Variants in ARL9 observed in about 807,000 individuals in gnomAD.
ARL9 encodes ARF like GTPase 9, also known as ADP-ribosylation factor-like protein 9.
Under a neutral mutation model 27.0 loss-of-function variants are expected in ARL9, and 14 were observed. The observed-to-expected ratio is 0.52, with a 90% confidence interval of 0.34 to 0.81. The LOEUF (loss-of-function observed/expected upper bound fraction) is 0.81. Ranked by LOEUF, ARL9 falls within the 30% of genes least tolerant of loss-of-function variation. ARL9 has a pLI of 0.01. For missense variants in ARL9, 294 were observed against 290.0 expected (o/e 1.01, Z -0.10); for synonymous variants, 106 against 108.7 (o/e 0.98, Z 0.15).
chr4:56,512,988 A>T (rs988408419), intron 2 of ARL9, among the ~76,000 whole-genome samples: 3 of 152,368 alleles, frequency 2.0e-5, no homozygotes, highest in South Asian at 2.1e-4. Flanking sequence ...TCAACAATGC[A>T]TACCCAATGT....
intron 2 of ARL9, among the ~76,000 whole-genome samples, chr4:56,518,354 G>A (rs1721822680): frequency 1.3e-5 from 2 of 152,108 alleles, no homozygotes; most frequent in African/African-American, 4.8e-5. Flanking sequence ...CATTTTCTGA[G>A]CTATAACTGA....
chr4:56,517,017 C>A (rs1305007480), intron 2 of ARL9, among the ~76,000 whole-genome samples: 1 of 152,112 alleles, frequency 6.6e-6, no homozygotes, highest in Admixed American at 6.6e-5. Context: ...TGTATTGGTA[C>A]CAACTTCTTT....
intron 2 of ARL9, among the ~76,000 whole-genome samples, chr4:56,516,074 G>C (rs77506955): frequency 1.7e-4 from 26 of 152,250 alleles, no homozygotes; most frequent in African/African-American, 6.3e-4. Context: ...ACTAAAATGC[G>C]TGGTGTTGGC....
intron 1 of ARL9, chr4:56,506,521 C>A: frequency 1.4e-6 from 1 of 696,430 alleles, no homozygotes; most frequent in Non-Finnish European, 1.8e-6. Context: ...CGAACCCTCC[C>A]CACACGCAGG....
intron 3 of ARL9, among the ~76,000 whole-genome samples, chr4:56,521,770 T>G (rs986799804): frequency 6.6e-6 from 1 of 152,200 alleles, no homozygotes; most frequent in African/African-American, 2.4e-5. Context: ...ATCTGTAAAT[T>G]GCCTATTAAT....
chr4:56,507,353 C>T (rs150819570), intron 1 of ARL9, among the ~76,000 whole-genome samples: 11,410 of 151,752 alleles, frequency 0.075, 495 homozygotes, highest in Admixed American at 0.12. Flanking sequence ...CTGGCTCTGT[C>T]GCCCAGGCTT....
At chr4:56,506,754 T>TAA in intron 1 of ARL9, 2 of 836,586 alleles carry the variant, frequency 2.4e-6, no homozygotes, top group Non-Finnish European at 2.9e-6. Flanking sequence ...AGCTGCGCTC[T>TAA]GGTTCTAAAC....
intron 2 of ARL9, among the ~76,000 whole-genome samples, chr4:56,516,584 CAAAAAAA>C (rs10718013): frequency 6.0e-4 from 72 of 120,874 alleles, no homozygotes; most frequent in Middle Eastern, 4.6e-3. Context: ...TCAAATTAGG[CAAAAAAA>C]AAAAAAAAAA....
intron 1 of ARL9, among the ~76,000 whole-genome samples, chr4:56,509,495 T>C (rs1721568843): frequency 1.3e-5 from 2 of 151,870 alleles, no homozygotes; most frequent in African/African-American, 4.8e-5. Context: ...CCACGATGCC[T>C]GGACTAGAAT....
upstream of ARL9, chr4:56,505,661 C>G: frequency 1.2e-6 from 1 of 845,110 alleles, no homozygotes; most frequent in Non-Finnish European, 1.8e-6. Context: ...GCGGGTTCAG[C>G]GAATCGGCTG....
chr4:56,523,435 G>A (rs923597415), intron 3 of ARL9, among the ~76,000 whole-genome samples: 2 of 152,128 alleles, frequency 1.3e-5, no homozygotes, highest in South Asian at 2.1e-4. Flanking sequence ...TGACTGCACC[G>A]TTTAGAAAAT....
chr4:56,520,421 T>C (rs886491065), intron 3 of ARL9, among the ~76,000 whole-genome samples: 2 of 152,180 alleles, frequency 1.3e-5, no homozygotes, highest in African/African-American at 2.4e-5. Context: ...GCAAATACTA[T>C]ATGATTCCAT....
At chr4:56,519,951 G>A (rs895883576) in intron 3 of ARL9, among the ~76,000 whole-genome samples, 7 of 151,368 alleles carry the variant, frequency 4.6e-5, no homozygotes, top group Admixed American at 1.3e-4. Flanking sequence ...CAAGTGAGTC[G>A]CATGCCTCAG....
chr4:56,522,463 C>G (rs1291618803), intron 3 of ARL9, among the ~76,000 whole-genome samples: 2 of 151,136 alleles, frequency 1.3e-5, no homozygotes, highest in Non-Finnish European at 2.9e-5. Context: ...AAAAAAGACA[C>G]AATATTAGGT....
intron 1 of ARL9, among the ~76,000 whole-genome samples, chr4:56,508,882 A>G (rs553854742): frequency 6.6e-6 from 1 of 152,190 alleles, no homozygotes; most frequent in Non-Finnish European, 1.5e-5. Context: ...CAACATTTAG[A>G]GTTCAAGCAG....
Position 56,505,850 on chromosome 4 carries a change from C to A in ARL9, c.-13C>A. On this transcript the variant is annotated 5_prime_UTR_variant, in exon 1 of 4. Transcript: ENST00000640821. ...GGCACGCGGCGGGAGGGAAGGAAAC[C>A]GCGGCGCTGGGGATGGAGAGGGGGA... 1.6e-6 allele frequency: 2 copies of A among 1,267,958 alleles called. No individual in the cohort carries two copies. The highest frequency in any genetic ancestry group is 2.0e-6 in the Non-Finnish European group (2 of 1,008,756). The allele number at this position is 1,267,958 out of a possible 1,614,324, so 78.5% of individuals were successfully genotyped here.
chr4:56,514,325 G>A (rs1166958772), intron 2 of ARL9, among the ~76,000 whole-genome samples: 5 of 152,180 alleles, frequency 3.3e-5, no homozygotes, highest in Admixed American at 6.6e-5. Context: ...ACCAAAGAGG[G>A]TAGAGGGGGA....
intron 3 of ARL9, among the ~76,000 whole-genome samples, chr4:56,521,007 CGA>C (rs1174971678): frequency 6.6e-6 from 1 of 151,832 alleles, no homozygotes. Context: ...GTCAGGAGTT[CGA>C]GACCAGCCTG....
intron 1 of ARL9, among the ~76,000 whole-genome samples, chr4:56,507,892 C>T (rs1357640748): frequency 6.7e-6 from 1 of 150,094 alleles, no homozygotes; most frequent in African/African-American, 2.4e-5. Context: ...AGGAAAATCG[C>T]GTGAACCTGG....
Sources: gnomAD v4.1 joint callset for allele counts (sites outside exome capture counted in the v4.1 genomes callset) on GRCh38, gnomAD v4.1.1 for gene constraint, MANE v1.5 for transcripts, NCBI Gene and HGNC (gene_info 2026-07-23, HGNC 2026-07-21) for gene names.